Variants in C4orf51 observed in about 807,000 individuals in gnomAD.
The protein encoded by C4orf51 is uncharacterized protein C4orf51.
Under a neutral mutation model 25.2 loss-of-function variants are expected in C4orf51, and 25 were observed. That is an observed-to-expected ratio of 0.99 (90% confidence interval 0.72 to 1.39). C4orf51 has a LOEUF of 1.39. Among genes scored for constraint, C4orf51 ranks in the 40% most tolerant of loss-of-function variants. The probability of loss-of-function intolerance (pLI) is 0.00; values close to 1 mark genes in which losing one functional copy is unlikely to be tolerated. For synonymous variants in C4orf51, 100 were observed against 84.5 expected (o/e 1.18, Z -1.01); for missense variants, 252 against 239.6 (o/e 1.05, Z -0.34).
intron 2 of C4orf51, among the ~76,000 whole-genome samples, chr4:145,726,203 A>G (rs915639383): frequency 3.3e-5 from 5 of 152,192 alleles, no homozygotes; most frequent in African/African-American, 1.2e-4. Context: ...TAATAATTGC[A>G]TCTATTTCTG....
chr4:145,744,254 C>T (rs1733244842), intron 1 of C4orf51, among the ~76,000 whole-genome samples: 1 of 151,972 alleles, frequency 6.6e-6, no homozygotes, highest in South Asian at 2.1e-4. Context: ...ATATGTTCAA[C>T]TGGGATGGAA....
At chr4:145,744,098 T>C (rs1733236502) in intron 1 of C4orf51, among the ~76,000 whole-genome samples, 1 of 152,160 alleles carries the variant, frequency 6.6e-6, no homozygotes, top group African/African-American at 2.4e-5. Context: ...CCATTCCTTA[T>C]CAGCTGCCAA....
At chr4:145,756,081 C>CA (rs1733928966), downstream of C4orf51, among the ~76,000 whole-genome samples, 1 of 152,212 alleles carries the variant, frequency 6.6e-6, no homozygotes, top group South Asian at 2.1e-4. Context: ...TCTTCCCCTT[C>CA]AAATTGTTCA....
chr4:145,685,514 G>C (rs925712997), intron 1 of C4orf51, among the ~76,000 whole-genome samples: 1 of 152,222 alleles, frequency 6.6e-6, no homozygotes, highest in Non-Finnish European at 1.5e-5. Context: ...GTGTGTGTGA[G>C]AGGGTCGTGC....
downstream of C4orf51, among the ~76,000 whole-genome samples, chr4:145,733,186 G>A (rs1312957457): frequency 1.4e-5 from 2 of 146,644 alleles, no homozygotes; most frequent in African/African-American, 2.5e-5. Flanking sequence ...TCCCCGGTCC[G>A]CCTCTTCCCG....
intron 1 of C4orf51, among the ~76,000 whole-genome samples, chr4:145,684,047 C>G (rs1270470096): frequency 6.6e-6 from 1 of 152,030 alleles, no homozygotes; most frequent in Non-Finnish European, 1.5e-5. Flanking sequence ...GAAAAAGAAA[C>G]AAATTTGAAA....
At chr4:145,693,287 G>A (rs1003329105) in intron 1 of C4orf51, among the ~76,000 whole-genome samples, 2 of 150,606 alleles carry the variant, frequency 1.3e-5, no homozygotes, top group African/African-American at 4.9e-5. Context: ...ATCTTGCACC[G>A]CCCTTAATCC....
downstream of C4orf51, among the ~76,000 whole-genome samples, chr4:145,774,071 G>A (rs1736674835): frequency 6.6e-6 from 1 of 152,154 alleles, no homozygotes; most frequent in Non-Finnish European, 1.5e-5. Context: ...GCTGACCTTG[G>A]ATGGAATATC....
chr4:145,765,083 C>G lies in C4orf51; in HGVS notation n.167-5905C>G. On this transcript the variant is annotated intron_variant and non_coding_transcript_variant, in intron 1 of 1. Coordinates refer to the C4orf51 transcript ENST00000510096. The surrounding 1 kb of genome is among the most constrained non-coding windows in gnomAD (Gnocchi z 4.7). ...TGTGGCACACATCACACTCAAACAT[C>G]CGGGTGATGAGGTGTATCTGCAGAT... is the stretch of plus-strand genomic sequence containing the variant. The G allele has an allele frequency of 6.2e-7, 1 of 1,614,230 alleles. No individual in the cohort carries two copies. Among genetic ancestry groups the G allele is most frequent in the Non-Finnish European group, 8.5e-7 (1 of 1,180,052 alleles).
At chr4:145,683,077 A>G (rs932809139) in intron 1 of C4orf51, among the ~76,000 whole-genome samples, 1 of 152,186 alleles carries the variant, frequency 6.6e-6, no homozygotes, top group Non-Finnish European at 1.5e-5. Flanking sequence ...AGGTTAATAT[A>G]CAAAAATCAA....
intron 2 of C4orf51, among the ~76,000 whole-genome samples, chr4:145,704,056 A>G: frequency 6.6e-6 from 1 of 152,268 alleles, no homozygotes; most frequent in East Asian, 1.9e-4. Context: ...ATGCAGACTC[A>G]GAGCATGTCC....
chr4:145,695,929 C>T (rs1424511591), intron 1 of C4orf51, among the ~76,000 whole-genome samples: 2 of 152,166 alleles, frequency 1.3e-5, no homozygotes, highest in Non-Finnish European at 2.9e-5. Flanking sequence ...CTAAATACTG[C>T]ATGTTCTCAT....
chr4:145,776,789 C>A, the C4orf51 span, among the ~76,000 whole-genome samples: 1 of 152,256 alleles, frequency 6.6e-6, no homozygotes, highest in South Asian at 2.1e-4. Flanking sequence ...GGAAAAAATG[C>A]TGTGTGAAAT....
downstream of C4orf51, among the ~76,000 whole-genome samples, chr4:145,737,661 C>CT (rs1732876144): frequency 6.6e-6 from 1 of 152,154 alleles, no homozygotes; most frequent in Non-Finnish European, 1.5e-5. Flanking sequence ...TTATAGAACT[C>CT]TAAGTTCAAA....
chr4:145,701,246 G>T (rs1447989220), intron 2 of C4orf51, among the ~76,000 whole-genome samples: 1 of 136,606 alleles, frequency 7.3e-6, no homozygotes, highest in African/African-American at 2.8e-5. Context: ...AAAAAAAAAA[G>T]TGGCAATTCC....
chr4:145,721,485 G>T (rs28508209), intron 2 of C4orf51, among the ~76,000 whole-genome samples: 1 of 152,092 alleles, frequency 6.6e-6, no homozygotes, highest in East Asian at 1.9e-4. Context: ...AGAGAATCCC[G>T]GGATGGGCCT....
At chr4:145,690,866 C>T (rs551192375) in intron 1 of C4orf51, among the ~76,000 whole-genome samples, 12 of 152,104 alleles carry the variant, frequency 7.9e-5, no homozygotes, top group African/African-American at 2.4e-4. Flanking sequence ...TTTGAAAGGC[C>T]GAGGCAGGAA....
chr4:145,749,065 G>GTATATA (rs70956871), intron 1 of C4orf51, among the ~76,000 whole-genome samples: 44 of 116,100 alleles, frequency 3.8e-4, no homozygotes, highest in Admixed American at 8.6e-4. Context: ...GTGTGTGTGT[G>GTATATA]TATATATATA....
At chr4:145,725,046 G>A (rs944415543) in intron 2 of C4orf51, among the ~76,000 whole-genome samples, 7 of 151,732 alleles carry the variant, frequency 4.6e-5, no homozygotes, top group Admixed American at 6.6e-5. Flanking sequence ...AGGGTGGGAG[G>A]GGGATGAGGA....
Sources: gnomAD v4.1 joint callset for allele counts (sites outside exome capture counted in the v4.1 genomes callset) on GRCh38, gnomAD v4.1.1 for gene constraint, Gnocchi (gnomAD v3.1) non-coding constraint, MANE v1.5 for transcripts, NCBI Gene and HGNC (gene_info 2026-07-23, HGNC 2026-07-21) for gene names.